Variants in CSNK1G3 observed in about 807,000 individuals in gnomAD.
CSNK1G3 encodes casein kinase I isoform gamma-3.
A neutral mutation model predicts 64.3 loss-of-function variants in CSNK1G3; 23 were observed. The observed-to-expected ratio is 0.36, with a 90% CI of 0.26 to 0.51. The LOEUF is 0.51. Among genes scored for constraint, CSNK1G3 ranks in the 20% least tolerant of loss-of-function variants. CSNK1G3 has a pLI of 0.96. For synonymous variants in CSNK1G3, 158 were observed against 162.2 expected (o/e 0.97, Z 0.20); for missense variants, 357 against 510.5 (o/e 0.70, Z 2.90).
intron 10 of CSNK1G3, among the ~76,000 whole-genome samples, chr5:123,599,174 A>C (rs987675296): frequency 6.6e-6 from 1 of 152,192 alleles, no homozygotes; most frequent in Non-Finnish European, 1.5e-5. Context: ...ACTGTAAGCA[A>C]AGGGAAAAAG....
rs755429112 is a variant in CSNK1G3, at chr5:123,604,802, A to G, written c.1165A>G (p.Thr389Ala). Residue 389 changes from threonine to alanine, a missense_variant, in exon 11 of 13, where the codon ACT becomes GCT. This residue lies in a region of CSNK1G3 where 187 missense variants were observed against 217.1 expected (regional missense o/e 0.86). Transcript: ENST00000345990. ...TTCAAATGCACCCATCACAGCCCCT[A>G]CTGAAGTAGAAGTGATGGATGAAAC... 7 of 1,610,434 alleles carry G rather than the reference A, an allele frequency of 4.3e-6. No individual in the cohort carries two copies. The African/African-American group carries it at 8.0e-5, about 18-fold the overall frequency.
chr5:123,578,066 C>T (rs1031552562), intron 6 of CSNK1G3, among the ~76,000 whole-genome samples: 1 of 151,812 alleles, frequency 6.6e-6, no homozygotes, highest in Non-Finnish European at 1.5e-5. Flanking sequence ...AGTAATATTC[C>T]ATTGCATAAA....
intron 1 of CSNK1G3, among the ~76,000 whole-genome samples, chr5:123,519,847 G>A (rs1240144526): frequency 6.6e-6 from 1 of 152,176 alleles, no homozygotes; most frequent in Non-Finnish European, 1.5e-5. Flanking sequence ...CTAATTACTA[G>A]TGGAGTGCTC....
At chr5:123,580,484 A>G (rs1195356760) in intron 6 of CSNK1G3, among the ~76,000 whole-genome samples, 1 of 151,974 alleles carries the variant, frequency 6.6e-6, no homozygotes, top group Admixed American at 6.6e-5. Flanking sequence ...CAGATGTTGC[A>G]GTTCACATTT....
At chr5:123,611,016 G>A (rs1371938063) in intron 12 of CSNK1G3, among the ~76,000 whole-genome samples, 1 of 152,180 alleles carries the variant, frequency 6.6e-6, no homozygotes, top group Non-Finnish European at 1.5e-5. Flanking sequence ...GTAGGAGTAA[G>A]TTATTACAGA....
chr5:123,567,062 C>T (rs768619904), intron 4 of CSNK1G3, among the ~76,000 whole-genome samples: 15 of 152,152 alleles, frequency 9.9e-5, no homozygotes, highest in Non-Finnish European at 1.9e-4. Flanking sequence ...ACAATCATGG[C>T]GGAAGGTGAA....
chr5:123,575,285 A>G (rs1788950009), intron 5 of CSNK1G3, among the ~76,000 whole-genome samples: 1 of 152,212 alleles, frequency 6.6e-6, no homozygotes, highest in Non-Finnish European at 1.5e-5. Context: ...TGTTGTTTTT[A>G]CTTAATAGTT....
chr5:123,538,218 G>C (rs1416056730), intron 1 of CSNK1G3, among the ~76,000 whole-genome samples: 1 of 152,060 alleles, frequency 6.6e-6, no homozygotes, highest in Admixed American at 6.6e-5. Flanking sequence ...CTAGGTCATA[G>C]GATAGGTGTA....
chr5:123,562,438 G>A (rs1349500699), intron 4 of CSNK1G3, among the ~76,000 whole-genome samples: 1 of 151,884 alleles, frequency 6.6e-6, no homozygotes, highest in Non-Finnish European at 1.5e-5. Flanking sequence ...GTAGGTTCTT[G>A]GTAAATGGTT....
At chr5:123,545,492 A>C in exon 2 of CSNK1G3, 1 of 482,572 alleles carries the variant, frequency 2.1e-6, no homozygotes, top group South Asian at 5.8e-5. Flanking sequence ...CACTAAGAAA[A>C]ATTTTACGAA....
intron 5 of CSNK1G3, among the ~76,000 whole-genome samples, chr5:123,574,746 C>T (rs995692647): frequency 2.0e-5 from 3 of 152,068 alleles, no homozygotes; most frequent in Non-Finnish European, 4.4e-5. Flanking sequence ...AAGAGGATTG[C>T]TTGAGCCCGG....
At chr5:123,532,980 A>C (rs1431892859) in intron 1 of CSNK1G3, among the ~76,000 whole-genome samples, 1 of 151,866 alleles carries the variant, frequency 6.6e-6, no homozygotes, top group African/African-American at 2.4e-5. Context: ...TCTCTTTGAT[A>C]CTATGTCAAA....
At chr5:123,589,455 A>C (rs1791940844) in intron 8 of CSNK1G3, among the ~76,000 whole-genome samples, 1 of 152,148 alleles carries the variant, frequency 6.6e-6, no homozygotes, top group Non-Finnish European at 1.5e-5. Flanking sequence ...TTGCCAAATC[A>C]AATTAGCCAG....
intron 12 of CSNK1G3, among the ~76,000 whole-genome samples, chr5:123,608,062 T>G (rs1193631678): frequency 6.6e-6 from 1 of 152,094 alleles, no homozygotes; most frequent in Non-Finnish European, 1.5e-5. Flanking sequence ...CCCCAGTAGG[T>G]GGGACTATAG....
intron 10 of CSNK1G3, among the ~76,000 whole-genome samples, chr5:123,592,752 A>ATG (rs1792627338): frequency 6.6e-6 from 1 of 151,648 alleles, no homozygotes; most frequent in African/African-American, 2.4e-5. Context: ...ATATATATAT[A>ATG]TATAGCATGG....
chr5:123,571,781 T>C (rs1171241218), intron 4 of CSNK1G3, among the ~76,000 whole-genome samples: 2 of 152,084 alleles, frequency 1.3e-5, no homozygotes, highest in Admixed American at 1.3e-4. Flanking sequence ...AAAAAATCAC[T>C]TGGAAGTAAA....
At chr5:123,609,680 T>A (rs1311267572) in intron 12 of CSNK1G3, among the ~76,000 whole-genome samples, 1 of 152,142 alleles carries the variant, frequency 6.6e-6, no homozygotes, top group Admixed American at 6.6e-5. Context: ...GATACTGAGG[T>A]AAGAAATCCC....
chr5:123,549,078 G>A (rs1368899170), intron 2 of CSNK1G3, among the ~76,000 whole-genome samples: 1 of 152,148 alleles, frequency 6.6e-6, no homozygotes, highest in Non-Finnish European at 1.5e-5. Context: ...TGTTGTTTTT[G>A]CATCATTATA....
At chr5:123,615,884 A>G (rs983201977) in exon 13 of CSNK1G3, 6 of 152,306 alleles carry the variant, frequency 3.9e-5, no homozygotes, top group Middle Eastern at 3.4e-3. Context: ...TCTCAAGGTA[A>G]CATTTAAGAT....
Sources: allele counts gnomAD v4.1 joint callset (sites outside exome capture counted in the v4.1 genomes callset), GRCh38; gene constraint gnomAD v4.1.1; regional missense constraint gnomAD v4.1.1; transcripts MANE v1.5; gene names NCBI Gene and HGNC (gene_info 2026-07-23, HGNC 2026-07-21).